SSH2: variants seen among roughly 807,000 people sequenced by gnomAD.
The protein encoded by SSH2 is protein phosphatase Slingshot homolog 2.
In SSH2, 37 loss-of-function variants were observed where a neutral mutation model predicts 135.2. The observed-to-expected ratio is 0.27, with a 90% CI of 0.21 to 0.36. The LOEUF (loss-of-function observed/expected upper bound fraction) is 0.36. Among genes scored for constraint, SSH2 ranks in the 10% least tolerant of loss-of-function variants. The probability of loss-of-function intolerance (pLI) is 1.00; values close to 1 mark genes in which losing one functional copy is unlikely to be tolerated. For missense variants in SSH2, 1,408 were observed against 1,765.3 expected (o/e 0.80, Z 3.63); for synonymous variants, 628 against 646.2 (o/e 0.97, Z 0.43).
chr17:29,686,362 C>T (rs1364172741), intron 5 of SSH2, among the ~76,000 whole-genome samples: 1 of 150,924 alleles, frequency 6.6e-6, no homozygotes, highest in Non-Finnish European at 1.5e-5. Flanking sequence ...TTTAAAATGA[C>T]AGTTTTTTTT....
chr17:29,672,245 A>AAT, intron 8 of SSH2, 116 bp from the exon 9 acceptor site: 3 of 698,086 alleles, frequency 4.3e-6, no homozygotes, highest in South Asian at 4.9e-5. Context: ...CCTCTGGACA[A>AAT]TCTACTCCTT....
At chr17:29,858,162 T>C (rs9912394) in intron 1 of SSH2, among the ~76,000 whole-genome samples, 146,846 of 152,342 alleles carry the variant, frequency 0.96, 70,804 homozygotes, top group East Asian at 1. Flanking sequence ...TTGCTGCAAA[T>C]ATTTCATTGC....
At chr17:29,798,603 A>G (rs1250997801) in intron 2 of SSH2, among the ~76,000 whole-genome samples, 1 of 152,182 alleles carries the variant, frequency 6.6e-6, no homozygotes, top group Non-Finnish European at 1.5e-5. Flanking sequence ...TGTTTATTCT[A>G]CACTAACACT....
At chr17:29,662,196 T>G (rs1433224798) in intron 11 of SSH2, among the ~76,000 whole-genome samples, 1 of 152,230 alleles carries the variant, frequency 6.6e-6, no homozygotes, top group African/African-American at 2.4e-5. Context: ...TCTGGTTCCC[T>G]TGCACTGTAC....
intron 2 of SSH2, among the ~76,000 whole-genome samples, chr17:29,816,698 T>TAA (rs1203690373): frequency 5.0e-5 from 7 of 139,152 alleles, no homozygotes; most frequent in African/African-American, 1.3e-4. Flanking sequence ...ATTCTGCACT[T>TAA]AAAAAAAAAA....
At chr17:29,739,892 T>C (rs943762567) in intron 3 of SSH2, among the ~76,000 whole-genome samples, 2 of 152,222 alleles carry the variant, frequency 1.3e-5, no homozygotes, top group Admixed American at 1.3e-4. Context: ...TTAATTAAAT[T>C]GCATCCTTTA....
chr17:29,663,434 G>A (rs908564983), intron 11 of SSH2, among the ~76,000 whole-genome samples: 1 of 152,206 alleles, frequency 6.6e-6, no homozygotes, highest in Non-Finnish European at 1.5e-5. Context: ...GTTGGACATA[G>A]GATATGGCAG....
chr17:29,919,149 A>T (rs948159210), intron 1 of SSH2, among the ~76,000 whole-genome samples: 5 of 152,184 alleles, frequency 3.3e-5, no homozygotes, highest in African/African-American at 1.2e-4. Context: ...AAGCTTCCTG[A>T]GGTTAGAGAC....
intron 2 of SSH2, among the ~76,000 whole-genome samples, chr17:29,820,106 C>A (rs1353043976): frequency 6.6e-6 from 1 of 152,120 alleles, no homozygotes; most frequent in Non-Finnish European, 1.5e-5. Context: ...GTGAACCAGT[C>A]CCCTCACATT....
intron 1 of SSH2, among the ~76,000 whole-genome samples, chr17:29,899,728 T>G (rs972417346): frequency 6.6e-6 from 1 of 152,222 alleles, no homozygotes; most frequent in Non-Finnish European, 1.5e-5. Context: ...AGATTTTCAA[T>G]GCCATCCTGA....
At chr17:29,647,927 TG>T (rs1247586533) in intron 14 of SSH2, 1 of 507,678 alleles carries the variant, frequency 2.0e-6, no homozygotes, top group African/African-American at 1.9e-5. Context: ...CCTCCCAAAG[TG>T]CTGGGATTAC....
intron 3 of SSH2, among the ~76,000 whole-genome samples, chr17:29,711,294 CAA>C (rs2039424465): frequency 6.6e-6 from 1 of 152,164 alleles, no homozygotes; most frequent in East Asian, 1.9e-4. Flanking sequence ...TCTGTTTGTT[CAA>C]GATTGAGAGA....
chr17:29,900,261 CA>C (rs1400591255), intron 1 of SSH2, among the ~76,000 whole-genome samples: 1 of 151,970 alleles, frequency 6.6e-6, no homozygotes, highest in African/African-American at 2.4e-5. Flanking sequence ...GCAATGGCAA[CA>C]AAAGCCAAAA....
chr17:29,749,811 CT>C (rs1466267163), intron 3 of SSH2, among the ~76,000 whole-genome samples: 5 of 152,188 alleles, frequency 3.3e-5, no homozygotes, highest in African/African-American at 4.8e-5. Flanking sequence ...ACTGCAATCT[CT>C]GCCTCCTGGG....
intron 4 of SSH2, among the ~76,000 whole-genome samples, chr17:29,696,359 CATA>C (rs1007345102): frequency 7.4e-5 from 11 of 148,000 alleles, no homozygotes; most frequent in African/African-American, 1.2e-4. Flanking sequence ...TATATACTCT[CATA>C]ATATCCATAC....
intron 6 of SSH2, among the ~76,000 whole-genome samples, chr17:29,683,003 T>C (rs1232996704): frequency 2.0e-5 from 3 of 152,198 alleles, no homozygotes; most frequent in Non-Finnish European, 4.4e-5. Context: ...TTGACTTCTA[T>C]ATAGGAATAA....
At chr17:29,676,781 A>G in intron 8 of SSH2, 39 bp downstream of exon 8, 2 of 1,523,012 alleles carry the variant, frequency 1.3e-6, no homozygotes, top group Non-Finnish European at 1.8e-6. Context: ...CTCCAATAAC[A>G]TTAAAACACT....
At chr17:29,722,748 G>A (rs2151170288) in intron 3 of SSH2, among the ~76,000 whole-genome samples, 1 of 152,286 alleles carries the variant, frequency 6.6e-6, no homozygotes, top group Middle Eastern at 3.4e-3. Flanking sequence ...GGCAGTACAG[G>A]AAAACACACC....
chr17:29,706,165 A>C (rs1567899714), intron 3 of SSH2, among the ~76,000 whole-genome samples: 1 of 152,274 alleles, frequency 6.6e-6, no homozygotes. Context: ...GTAATAAATT[A>C]TATAACTCAA....
Sources: allele counts gnomAD v4.1 joint callset (sites outside exome capture counted in the v4.1 genomes callset), GRCh38; gene constraint gnomAD v4.1.1; transcripts MANE v1.5; gene names NCBI Gene and HGNC (gene_info 2026-07-23, HGNC 2026-07-21).